UBE2E2: variants seen among roughly 807,000 people sequenced by gnomAD.
UBE2E2 encodes ubiquitin conjugating enzyme E2 E2.
A neutral mutation model predicts 24.7 loss-of-function variants in UBE2E2; 6 were observed. The ratio of observed to expected loss-of-function variants is 0.24; its 90% CI spans 0.13 to 0.48. The LOEUF (loss-of-function observed/expected upper bound fraction) is 0.48. Among genes scored for constraint, UBE2E2 ranks in the 20% least tolerant of loss-of-function variants. UBE2E2 has a pLI of 0.99. For synonymous variants in UBE2E2, 104 were observed against 83.6 expected (o/e 1.24, Z -1.33); for missense variants, 169 against 245.0 (o/e 0.69, Z 2.07).
chr3:23,508,625 A>G (rs931333946), intron 4 of UBE2E2, among the ~76,000 whole-genome samples: 2 of 152,190 alleles, frequency 1.3e-5, no homozygotes, highest in African/African-American at 4.8e-5. Flanking sequence ...CCACTCTGAT[A>G]TCTACTGACA....
intron 3 of UBE2E2, among the ~76,000 whole-genome samples, chr3:23,327,601 G>A (rs995294254): frequency 1.3e-5 from 2 of 152,180 alleles, no homozygotes; most frequent in Non-Finnish European, 2.9e-5. Flanking sequence ...GTTTGTTTGT[G>A]GCTGCAGTTA....
chr3:23,490,386 A>G (rs542381245), intron 3 of UBE2E2, among the ~76,000 whole-genome samples: 1 of 152,240 alleles, frequency 6.6e-6, no homozygotes, highest in African/African-American at 2.4e-5. Context: ...AAGTAAATGC[A>G]TATTATAAAA....
Position 23,208,791 on chromosome 3 carries a change from C to A in UBE2E2, c.92C>A (p.Pro31Gln). 3 of 1,613,476 alleles carry A rather than the reference C, an allele frequency of 1.9e-6. No homozygotes were observed. Among genetic ancestry groups the A allele is most frequent in the Non-Finnish European group, 2.5e-6 (3 of 1,179,700 alleles). The change falls in exon 2 of 6, where the codon CCA (proline) becomes CAA (glutamine). Residue 31 changes from proline (P) to glutamine (Q), a missense_variant. Transcript: ENST00000396703. ...GDQRESVQQE[P>Q]EREQVQPKKK... ...CAACGTGAAAGTGTTCAGCAAGAACCAGAAAGAGAACAAGTTCAGCCCAAG... is the reference window on the plus strand; with the variant it reads ...CAACGTGAAAGTGTTCAGCAAGAACAAGAAAGAGAACAAGTTCAGCCCAAG...
chr3:23,211,681 C>T (rs1322529428), intron 2 of UBE2E2, among the ~76,000 whole-genome samples: 5 of 152,102 alleles, frequency 3.3e-5, no homozygotes, highest in Non-Finnish European at 7.4e-5. Context: ...CAGGCATGAA[C>T]CACTGTGCCT....
At chr3:23,554,206 T>C (rs150789491) in intron 5 of UBE2E2, among the ~76,000 whole-genome samples, 196 of 152,212 alleles carry the variant, frequency 1.3e-3, no homozygotes, top group Non-Finnish European at 9.6e-4. Flanking sequence ...AACAGACACA[T>C]AGACCATTGG....
chr3:23,276,871 C>A (rs1365834375), intron 3 of UBE2E2, among the ~76,000 whole-genome samples: 1 of 151,920 alleles, frequency 6.6e-6, no homozygotes, highest in African/African-American at 2.4e-5. Flanking sequence ...TGCAATTTTT[C>A]ATAGTATTAA....
chr3:23,257,512 G>GCCTCCCC (rs1697763454), intron 3 of UBE2E2, among the ~76,000 whole-genome samples: 1 of 31,148 alleles, frequency 3.2e-5, no homozygotes, highest in Non-Finnish European at 5.9e-5. Flanking sequence ...TGTTTCCCGT[G>GCCTCCCC]CCCCCCCCCC....
At chr3:23,500,042 A>G (rs1375507588) in intron 4 of UBE2E2, among the ~76,000 whole-genome samples, 1 of 152,142 alleles carries the variant, frequency 6.6e-6, no homozygotes, top group Admixed American at 6.5e-5. Context: ...TGGGGGCATA[A>G]GGTTGGGCCA....
chr3:23,424,796 T>C (rs539470990), intron 3 of UBE2E2, among the ~76,000 whole-genome samples: 2 of 152,290 alleles, frequency 1.3e-5, no homozygotes, highest in South Asian at 4.1e-4. Context: ...ATAAAGTAGT[T>C]TGATTTTTTA....
At chr3:23,307,799 T>C (rs1288347503) in intron 3 of UBE2E2, among the ~76,000 whole-genome samples, 1 of 152,232 alleles carries the variant, frequency 6.6e-6, no homozygotes, top group African/African-American at 2.4e-5. Context: ...AGAATAAGCC[T>C]ATTTTTATTT....
chr3:23,460,167 G>A (rs554374166), intron 3 of UBE2E2, among the ~76,000 whole-genome samples: 2 of 152,314 alleles, frequency 1.3e-5, no homozygotes, highest in East Asian at 3.9e-4. Context: ...TTGAGCCAAT[G>A]AGCTGCCCTC....
chr3:23,530,773 C>G (rs1213159025), intron 4 of UBE2E2, among the ~76,000 whole-genome samples: 1 of 152,130 alleles, frequency 6.6e-6, no homozygotes, highest in Non-Finnish European at 1.5e-5. Flanking sequence ...TTGCAACATA[C>G]AGGCCTAAGA....
intron 3 of UBE2E2, among the ~76,000 whole-genome samples, chr3:23,269,305 T>C (rs1299850132): frequency 6.6e-6 from 1 of 152,220 alleles, no homozygotes; most frequent in African/African-American, 2.4e-5. Context: ...CCTACTCATC[T>C]GACAAAGGGC....
intron 4 of UBE2E2, among the ~76,000 whole-genome samples, chr3:23,519,903 C>G (rs1380009774): frequency 6.6e-6 from 1 of 151,704 alleles, no homozygotes; most frequent in Non-Finnish European, 1.5e-5. Context: ...ACGCAGGTCT[C>G]TTAACTCCCA....
At chr3:23,411,215 C>A (rs925598099) in intron 3 of UBE2E2, among the ~76,000 whole-genome samples, 1 of 152,144 alleles carries the variant, frequency 6.6e-6, no homozygotes, top group Non-Finnish European at 1.5e-5. Context: ...CTCTCTGCTC[C>A]TGAACTGTTG....
At chr3:23,230,505 C>G (rs1427567366) in intron 3 of UBE2E2, among the ~76,000 whole-genome samples, 1 of 152,142 alleles carries the variant, frequency 6.6e-6, no homozygotes, top group Non-Finnish European at 1.5e-5. Context: ...GAAGAGTTGG[C>G]TGGGCGCAGG....
At chr3:23,455,043 G>A (rs1229081174) in intron 3 of UBE2E2, among the ~76,000 whole-genome samples, 1 of 118,852 alleles carries the variant, frequency 8.4e-6, no homozygotes, top group Admixed American at 7.9e-5. Flanking sequence ...CCAGGTCTCT[G>A]CATGACAAGA....
In UBE2E2 at chr3:23,280,716, T is replaced by G. The variant is rs965045312; in HGVS notation, c.227+63404T>G. On this transcript the variant is annotated intron_variant, in intron 3 of 5. Transcript: ENST00000396703. The surrounding 1 kb of genome is among the most constrained non-coding windows in gnomAD (Gnocchi z 4.3). Reference sequence around the variant, plus strand: ...TTGGGCTCAGTAAATATTTATTGACTAAAGGAATGAGTACTGGAGACTAGC... The same window carrying G: ...TTGGGCTCAGTAAATATTTATTGACGAAAGGAATGAGTACTGGAGACTAGC... Among the ~76,000 whole-genome samples, 1 of 152,206 alleles carries G rather than the reference T, an allele frequency of 6.6e-6. No homozygotes were observed. The highest frequency in any genetic ancestry group is 2.4e-5 in the African/African-American group (1 of 41,450).
intron 3 of UBE2E2, among the ~76,000 whole-genome samples, chr3:23,251,196 A>C (rs966848573): frequency 2.0e-5 from 3 of 152,046 alleles, no homozygotes; most frequent in Non-Finnish European, 4.4e-5. Flanking sequence ...GAGCTGATGA[A>C]CCCTTCTGAA....
Sources: allele counts gnomAD v4.1 joint callset (sites outside exome capture counted in the v4.1 genomes callset), GRCh38; gene constraint gnomAD v4.1.1; non-coding constraint Gnocchi (gnomAD v3.1); transcripts MANE v1.5; gene names NCBI Gene and HGNC (gene_info 2026-07-23, HGNC 2026-07-21).